Variants in CORO6 observed in about 807,000 individuals in gnomAD.
The protein encoded by CORO6 is coronin-6.
A neutral mutation model predicts 49.0 loss-of-function variants in CORO6; 43 were observed. The ratio of observed to expected loss-of-function variants is 0.88; its 90% confidence interval spans 0.69 to 1.13. CORO6 has a LOEUF of 1.13. Ranked by LOEUF, CORO6 falls within the 50% of genes most tolerant of loss-of-function variation. The probability of loss-of-function intolerance (pLI) is 0.00; values close to 1 mark genes in which losing one functional copy is unlikely to be tolerated. For synonymous variants in CORO6, 233 were observed against 256.5 expected, an observed-to-expected ratio of 0.91 and a Z score of 0.88; for missense variants, 650 against 647.0, an observed-to-expected ratio of 1.00 and a Z score of -0.05.
Position 29,615,708 on chromosome 17 carries a change from G to A in CORO6, c.*24C>T, listed in dbSNP as rs1194310065. 3 of 1,483,232 alleles carry A rather than the reference G, an allele frequency of 2.0e-6. No individual in the cohort carries two copies. The highest frequency in any genetic ancestry group is 2.5e-5 in the East Asian group (1 of 39,744). 91.9% of individuals were successfully genotyped at this position (1,483,232 alleles called of 1,614,324 possible). A position where few individuals can be genotyped will look rare whatever the true frequency, so the allele number is the denominator to read the frequency against. ...GGGCCGAGCTTGTGCGCCCCGCCCC[G>A]CTCCGCCTGCCTGGCGCGCGGGGCT... On this transcript the variant is annotated 3_prime_UTR_variant, in exon 11 of 11. Transcript: ENST00000388767.
rs1398216936 is a variant in CORO6 at position 29,619,677 on chromosome 17, T to C, written c.295A>G (p.Ser99Gly). ...ATGATGGTGGTGTCGTCTGAGGCAC[T>C]GGCGATAACGTTGTCATTGTGTGGA... ...WCPHNDNVIA[S>G]ASDDTTIMVW... Residue 99 changes from serine (S) to glycine (G), a missense_variant, in exon 3 of 11, where the codon AGT becomes GGT. By Grantham distance (56) the Ser-to-Gly change is moderately conservative. Transcript: ENST00000388767. 2 of 1,613,730 alleles carry C rather than the reference T, an allele frequency of 1.2e-6. No homozygotes were observed. The highest frequency in any genetic ancestry group is 1.7e-5 in the Admixed American group (1 of 60,024).
rs1598634538 is a variant in CORO6, at chr17:29,616,924, C to T, written c.858+14G>A. On this transcript the variant is annotated intron_variant, in intron 7 of 10. Transcript: ENST00000388767. This position sits in a 1 kb window ranked among gnomAD's most constrained non-coding sequence, Gnocchi z 5.6. ...CCATCCAGTGCCCTGTTCTCCCTGC[C>T]CGGCCGTGAGCACCTTGCCACACAG... 6.2e-7 allele frequency: 1 copy of T among 1,613,730 alleles called. No individual in the cohort carries two copies. Among genetic ancestry groups the T allele is most frequent in the Non-Finnish European group, 8.5e-7 (1 of 1,179,984 alleles).
chr17:29,617,563 C>T lies in CORO6; in HGVS notation c.690G>A (p.Gln230=). 5 of 1,610,112 alleles carry T rather than the reference C, an allele frequency of 3.1e-6. No individual in the cohort carries two copies. Among genetic ancestry groups the T allele is most frequent in the Non-Finnish European group, 3.4e-6 (4 of 1,179,208 alleles). ...MRPMRAVFTR[Q]GHIFTTGFTR... ...TGAAGCCCGTGGTGAAGATATGGCC[C>T]TGGCGCGTGAAGACGGCCCGCATGG... Residue 230 remains glutamine (Q), a synonymous_variant, in exon 6 of 11, where the codon CAG becomes CAA. Transcript: ENST00000388767.
chr17:29,617,245 C>T (rs776439177), intron 6 of CORO6: 2 of 1,535,724 alleles, frequency 1.3e-6, no homozygotes, highest in Non-Finnish European at 1.7e-6. Flanking sequence ...CATATACCCG[C>T]TGCGCGCCGC....
intron 6 of CORO6, chr17:29,617,280 A>AG (rs1428428071): frequency 1.3e-6 from 2 of 1,532,306 alleles, no homozygotes; most frequent in Non-Finnish European, 1.7e-6. Flanking sequence ...AACCACCCCC[A>AG]GGGACTCGGC....
At position 29,616,630 on chromosome 17, in the gene CORO6, C is replaced by T; in HGVS notation, c.1004+72G>A. 6.3e-7 allele frequency: 1 copy of T among 1,576,080 alleles called. No individual in the cohort carries two copies. The highest frequency in any genetic ancestry group is 1.7e-5 in the Admixed American group (1 of 58,530). On this transcript the variant is annotated intron_variant, in intron 8 of 10. Coordinates refer to ENST00000388767, the MANE Select transcript of CORO6 (RefSeq NM_032854.4). This position sits in a 1 kb window ranked among gnomAD's most constrained non-coding sequence, Gnocchi z 5.6. ...CAAAGCACTGCATTACTGGGGAAGC[C>T]CCGTGGCTAGGACCCGACATGAGTG...
chr17:29,619,057 G>A lies in CORO6; in HGVS notation c.451+3C>T. 1.2e-6 allele frequency: 2 copies of A among 1,613,246 alleles called. No homozygotes were observed. The highest frequency in any genetic ancestry group is 1.7e-6 in the Non-Finnish European group (2 of 1,179,612). On this transcript the variant is annotated splice_donor_region_variant and intron_variant, in intron 4 of 10. Transcript: ENST00000388767. ...ATGGGGGACCCCTCCTTAGCCCCCA[G>A]ACCTGCACTGAGCAGGACATTCCTG...
rs570749863 is a variant in CORO6 at position 29,621,791 on chromosome 17, A to C, written c.-63-307T>G. On this transcript the variant is annotated intron_variant, in intron 1 of 10. Transcript: ENST00000388767. This position sits in a 1 kb window ranked among gnomAD's most constrained non-coding sequence, Gnocchi z 4.2. ...CACACTGCCTGCACCCCCCGCCCCCACCACCGCCAGCCTTGATGAGCATCT... is the reference window on the plus strand; with the variant it reads ...CACACTGCCTGCACCCCCCGCCCCCCCCACCGCCAGCCTTGATGAGCATCT... 10 of 272,340 alleles carry C rather than the reference A, an allele frequency of 3.7e-5. No individual in the cohort carries two copies. The highest frequency in any genetic ancestry group is 5.8e-5 in the Non-Finnish European group (8 of 138,416). 16.9% of individuals were successfully genotyped at this position (272,340 alleles called of 1,614,324 possible). A position where few individuals can be genotyped will look rare whatever the true frequency, so the allele number is the denominator to read the frequency against.
intron 2 of CORO6, 59 bp from the exon 3 acceptor site, chr17:29,619,832 G>A (rs535809513): frequency 2.0e-6 from 3 of 1,522,832 alleles, no homozygotes; most frequent in South Asian, 1.1e-5. Flanking sequence ...TGGGGAGTGG[G>A]TAGCAGATCT....
chr17:29,621,666 G>A lies in CORO6; in HGVS notation c.-63-182C>T, dbSNP rs566140873. On this transcript the variant is annotated intron_variant, in intron 1 of 10. Transcript: ENST00000388767. This position sits in a 1 kb window ranked among gnomAD's most constrained non-coding sequence, Gnocchi z 4.2. The stretch of plus-strand genomic sequence containing the variant: ...TTAATGTAAGTGGCTAGGATTTGGG[G>A]CCTGAATTCTCCACAGAGACCCAGG... 1.7e-6 allele frequency: 1 copy of A among 602,532 alleles called. No individual in the cohort carries two copies. Among genetic ancestry groups the A allele is most frequent in the East Asian group, 3.1e-5 (1 of 32,190 alleles). 37.3% of individuals were successfully genotyped at this position (602,532 alleles called of 1,614,324 possible).
Position 29,622,790 on chromosome 17 carries a change from T to C in CORO6, c.-166A>G. On this transcript the variant is annotated 5_prime_UTR_variant, in exon 1 of 11. Transcript: ENST00000388767. ...AAGGCTTCAGGGCGAAGGAGCCACCTCTCCGGGTGTCTGTAGTATCTGGGA... is the reference window on the plus strand; with the variant it reads ...AAGGCTTCAGGGCGAAGGAGCCACCCCTCCGGGTGTCTGTAGTATCTGGGA... 1 of 1,315,478 alleles carries C rather than the reference T, an allele frequency of 7.6e-7. No individual in the cohort carries two copies. Among genetic ancestry groups the C allele is most frequent in the South Asian group, 1.2e-5 (1 of 81,622 alleles). The allele number at this position is 1,315,478 out of a possible 1,614,324, so 81.5% of individuals were successfully genotyped here.
rs780377164 is a variant in CORO6 at position 29,616,652 on chromosome 17, AGT to A, written c.1004+48_1004+49del. On this transcript the variant is annotated intron_variant, in intron 8 of 10. Coordinates refer to ENST00000388767, the MANE Select transcript of CORO6 (RefSeq NM_032854.4). This position sits in a 1 kb window ranked among gnomAD's most constrained non-coding sequence, Gnocchi z 5.6. ...AGCCCCGTGGCTAGGACCCGACATG[AGT>A]GGGGGACAGAGGCGGGTAGGTGTTC... 3 of 1,594,486 alleles carry A rather than the reference AGT, an allele frequency of 1.9e-6. No individual in the cohort carries two copies. The highest frequency in any genetic ancestry group is 2.6e-6 in the Non-Finnish European group (3 of 1,164,988).
chr17:29,616,319 TC>T lies in CORO6; in HGVS notation c.1021del (p.Glu341LysfsTer9). ...CATGATGATAGGTTCACACTTTCTT[TC>T]GTGTAGCTTGTAGAACCTATAAGGG... ...CEIARFYKLH[E>X]RKCEPIIMTV... On this transcript the variant is annotated frameshift_variant, in exon 9 of 11. Coordinates refer to ENST00000388767, the MANE Select transcript of CORO6 (RefSeq NM_032854.4). LOFTEE classifies it high-confidence loss of function. The surrounding 1 kb of genome is among the most constrained non-coding windows in gnomAD (Gnocchi z 5.6). 2 of 1,608,272 alleles carry T rather than the reference TC, an allele frequency of 1.2e-6. No individual in the cohort carries two copies. The highest frequency in any genetic ancestry group is 2.7e-5 in the African/African-American group (2 of 74,992).
chr17:29,619,645 T>G lies in CORO6; in HGVS notation c.321+6A>C. ...AACTGCCCAGCAGTAGCCACCTGGC[T>G]CCTACCATGATGGTGGTGTCGTCTG... On this transcript the variant is annotated splice_donor_region_variant and intron_variant, in intron 3 of 10. Coordinates refer to ENST00000388767, the MANE Select transcript of CORO6 (RefSeq NM_032854.4). The G allele has an allele frequency of 6.2e-7, 1 of 1,613,252 alleles. No individual in the cohort carries two copies. The highest frequency in any genetic ancestry group is 8.5e-7 in the Non-Finnish European group (1 of 1,179,686).
rs2034821189 is a variant in CORO6, at chr17:29,615,653, G to A, written c.*79C>T. On this transcript the variant is annotated 3_prime_UTR_variant, in exon 11 of 11. Coordinates refer to ENST00000388767, the MANE Select transcript of CORO6 (RefSeq NM_032854.4). ...CCCGGGCCCAGCCCAAGAAGGCGGG[G>A]TCCGGAGTTCGGGACTAAAAGCCGG... The A allele has an allele frequency of 1.4e-6, 2 of 1,392,774 alleles. No individual in the cohort carries two copies. Among genetic ancestry groups the A allele is most frequent in the Non-Finnish European group, 9.4e-7 (1 of 1,065,830 alleles). 86.3% of individuals were successfully genotyped at this position (1,392,774 alleles called of 1,614,324 possible).
At chr17:29,620,370 G>A (rs954948238) in intron 2 of CORO6, among the ~76,000 whole-genome samples, 14 of 152,246 alleles carry the variant, frequency 9.2e-5, no homozygotes, top group African/African-American at 3.1e-4. Flanking sequence ...GGCAGCGGGG[G>A]AGAGGGTGGC....
rs960646545 is a variant in CORO6 at position 29,621,476 on chromosome 17, T to C, written c.-55A>G. On this transcript the variant is annotated 5_prime_UTR_variant, in exon 2 of 11. Coordinates refer to ENST00000388767, the MANE Select transcript of CORO6 (RefSeq NM_032854.4). The surrounding 1 kb of genome is among the most constrained non-coding windows in gnomAD (Gnocchi z 4.2). Reference sequence around the variant, plus strand: ...GCCCAGAAATGCCTTTGGTCCTTAGTCCTGTGAGCTGCGGGAGGGAGGAGG... The same window carrying C: ...GCCCAGAAATGCCTTTGGTCCTTAGCCCTGTGAGCTGCGGGAGGGAGGAGG... 1.9e-5 allele frequency: 30 copies of C among 1,551,286 alleles called. No individual in the cohort carries two copies. Among genetic ancestry groups the C allele is most frequent in the Admixed American group, 1.4e-4 (7 of 51,312 alleles).
rs3809791 is a variant in CORO6 at position 29,618,029 on chromosome 17, C to A, written c.634-410G>T. The A allele has an allele frequency of 8.2e-4, 1,210 of 1,477,274 alleles. 38 individuals carry two copies. The East Asian group carries it at 0.034, about 41-fold the overall frequency. The allele number at this position is 1,477,274 out of a possible 1,614,324, so 91.5% of individuals were successfully genotyped here. ...CCAGAGAAGGAGCGAGCTAGCGCGC[C>A]CGGCGCGGCCTGGCCTACCGGGTCC... On this transcript the variant is annotated intron_variant, in intron 5 of 10. Transcript: ENST00000388767.
chr17:29,619,013 TG>T (rs757790205), intron 4 of CORO6, 42 bp from the exon 5 acceptor site: 12 of 1,612,006 alleles, frequency 7.4e-6, no homozygotes, highest in African/African-American at 6.7e-5. Context: ...GTCCCACCTT[TG>T]CCACCACCCA....
Sources: allele counts gnomAD v4.1 joint callset (sites outside exome capture counted in the v4.1 genomes callset), GRCh38; gene constraint gnomAD v4.1.1; non-coding constraint Gnocchi (gnomAD v3.1); transcripts MANE v1.5; gene names NCBI Gene and HGNC (gene_info 2026-07-23, HGNC 2026-07-21).